SLC16A7: variants seen among roughly 807,000 people sequenced by gnomAD.
SLC16A7 encodes the protein monocarboxylate transporter 2.
SLC16A7 carries 33 observed loss-of-function variants against 34.9 expected under a neutral mutation model. The ratio of observed to expected loss-of-function variants is 0.94; its 90% CI spans 0.72 to 1.26. The LOEUF (loss-of-function observed/expected upper bound fraction) is 1.26. Ranked by LOEUF, SLC16A7 falls within the 50% of genes most tolerant of loss-of-function variation. SLC16A7 has a pLI of 0.00. For synonymous variants in SLC16A7, 201 were observed against 206.6 expected (o/e 0.97, Z 0.23); for missense variants, 573 against 578.1 (o/e 0.99, Z 0.09).
intron 3 of SLC16A7, among the ~76,000 whole-genome samples, chr12:59,726,794 A>G (rs548153727): frequency 8.2e-4 from 125 of 152,236 alleles, no homozygotes; most frequent in African/African-American, 2.9e-3. Context: ...AAGCCCCTCC[A>G]GAAACTCACC....
At chr12:59,603,391 CA>C (rs1407203904) in intron 1 of SLC16A7, among the ~76,000 whole-genome samples, 1 of 152,202 alleles carries the variant, frequency 6.6e-6, no homozygotes, top group East Asian at 1.9e-4. Context: ...ATACTCAACT[CA>C]AATGGAACTG....
At chr12:59,622,170 A>G (rs1024490448) in intron 1 of SLC16A7, among the ~76,000 whole-genome samples, 1 of 151,888 alleles carries the variant, frequency 6.6e-6, no homozygotes, top group African/African-American at 2.4e-5. Context: ...TAACATTAGA[A>G]GTATCTATTT....
At chr12:59,721,543 G>C (rs1875593211) in intron 3 of SLC16A7, among the ~76,000 whole-genome samples, 2 of 151,860 alleles carry the variant, frequency 1.3e-5, no homozygotes, top group Admixed American at 1.3e-4. Context: ...CAAAACAAAT[G>C]GAAAATGTTA....
At chr12:59,767,852 C>T (rs1261497325) in intron 3 of SLC16A7, among the ~76,000 whole-genome samples, 1 of 149,854 alleles carries the variant, frequency 6.7e-6, no homozygotes, top group Non-Finnish European at 1.5e-5. Context: ...GACAAAAAAC[C>T]AATCACCGCA....
At chr12:59,761,812 A>G (rs1031651670) in intron 3 of SLC16A7, among the ~76,000 whole-genome samples, 1 of 152,112 alleles carries the variant, frequency 6.6e-6, no homozygotes, top group African/African-American at 2.4e-5. Context: ...TCACATATTT[A>G]TCTATTTGTT....
At chr12:59,610,411 A>G (rs1879140668) in intron 1 of SLC16A7, among the ~76,000 whole-genome samples, 1 of 152,228 alleles carries the variant, frequency 6.6e-6, no homozygotes, top group Non-Finnish European at 1.5e-5. Flanking sequence ...GTATCAAGAA[A>G]TCAAATAGAC....
intron 1 of SLC16A7, among the ~76,000 whole-genome samples, chr12:59,648,399 T>C (rs904519955): frequency 1.3e-5 from 2 of 152,284 alleles, no homozygotes; most frequent in Admixed American, 6.5e-5. Flanking sequence ...ATAGATGATA[T>C]TAATATTTAT....
At chr12:59,638,765 T>C (rs1315281471) in intron 1 of SLC16A7, among the ~76,000 whole-genome samples, 1 of 152,156 alleles carries the variant, frequency 6.6e-6, no homozygotes, top group Non-Finnish European at 1.5e-5. Context: ...GAGAAGAGTT[T>C]ATGTATTTTT....
chr12:59,622,503 C>A (rs980332195), intron 1 of SLC16A7, among the ~76,000 whole-genome samples: 5 of 151,738 alleles, frequency 3.3e-5, no homozygotes, highest in Non-Finnish European at 7.4e-5. Flanking sequence ...ATTTCAGAAA[C>A]CTTTCAGATT....
chr12:59,761,875 G>A (rs1205028904), intron 3 of SLC16A7, among the ~76,000 whole-genome samples: 3 of 151,928 alleles, frequency 2.0e-5, no homozygotes, highest in East Asian at 1.9e-4. Context: ...ATGGTATCTG[G>A]GCATCATTAC....
chr12:59,665,001 A>T (rs1869077620), intron 2 of SLC16A7: 1 of 152,118 alleles, frequency 6.6e-6, no homozygotes, highest in South Asian at 2.1e-4. Flanking sequence ...GATTATAGAG[A>T]TGTGATTTTT....
chr12:59,719,459 A>G (rs1368753662), intron 3 of SLC16A7, among the ~76,000 whole-genome samples: 1 of 152,148 alleles, frequency 6.6e-6, no homozygotes, highest in Non-Finnish European at 1.5e-5. Context: ...TTATAACATA[A>G]GGGAAAAATA....
chr12:59,742,034 T>G (rs1012802818), intron 3 of SLC16A7, among the ~76,000 whole-genome samples: 3 of 152,184 alleles, frequency 2.0e-5, no homozygotes, highest in African/African-American at 7.2e-5. Context: ...TGTTTAACTG[T>G]GATCCTAGGA....
chr12:59,706,408 G>GT (rs1873584346), intron 3 of SLC16A7, among the ~76,000 whole-genome samples: 2 of 152,030 alleles, frequency 1.3e-5, no homozygotes, highest in Admixed American at 1.3e-4. Flanking sequence ...GTGTTGGAAT[G>GT]TGTTTTATAC....
At chr12:59,721,082 G>A (rs1333095382) in intron 3 of SLC16A7, among the ~76,000 whole-genome samples, 2 of 151,918 alleles carry the variant, frequency 1.3e-5, no homozygotes. Context: ...GATAATCTTA[G>A]GTGGGCCCGA....
intron 1 of SLC16A7, among the ~76,000 whole-genome samples, chr12:59,642,243 T>C (rs564571743): frequency 2.6e-5 from 4 of 152,102 alleles, no homozygotes; most frequent in African/African-American, 9.6e-5. Flanking sequence ...TGGAATTCCT[T>C]ACCTATAGTC....
At chr12:59,656,121 C>T (rs557779071) in intron 2 of SLC16A7, among the ~76,000 whole-genome samples, 1 of 152,066 alleles carries the variant, frequency 6.6e-6, no homozygotes, top group African/African-American at 2.4e-5. Context: ...CCTAGACCAA[C>T]TGTATGGTTG....
rs921854433 is a variant in SLC16A7 at position 59,786,092 on chromosome 12, G to A, written c.*6413G>A. 6.6e-6 allele frequency: 1 copy of A among 151,216 alleles called. No individual in the cohort carries two copies. Among genetic ancestry groups the A allele is most frequent in the African/African-American group, 2.4e-5 (1 of 41,154 alleles). The allele number at this position is 151,216 out of a possible 1,614,324, so 9.4% of individuals were successfully genotyped here. On this transcript the variant is annotated 3_prime_UTR_variant, in exon 6 of 6. Transcript: ENST00000547379. ...GGAGATATACCTAATGCTAGGTGAC[G>A]AGTTAGTGGGTGCAGCGCACCAGCA...
chr12:59,771,871 G>A (rs1021741995), intron 4 of SLC16A7, among the ~76,000 whole-genome samples: 2 of 152,126 alleles, frequency 1.3e-5, no homozygotes, highest in South Asian at 4.2e-4. Flanking sequence ...CTCATTAACC[G>A]TGTTCCTTCT....
Sources: allele counts gnomAD v4.1 joint callset (sites outside exome capture counted in the v4.1 genomes callset), GRCh38; gene constraint gnomAD v4.1.1; transcripts MANE v1.5; gene names NCBI Gene and HGNC (gene_info 2026-07-23, HGNC 2026-07-21).